Variants in LONP2 observed in about 807,000 individuals in gnomAD.
LONP2 encodes lon protease homolog 2, peroxisomal.
A neutral mutation model predicts 85.6 loss-of-function variants in LONP2; 60 were observed. The observed-to-expected ratio is 0.70, with a 90% confidence interval of 0.57 to 0.87. The LOEUF is 0.87. LONP2 is among the 40% of genes least tolerant of loss of function. LONP2 has a pLI of 0.00. For missense variants in LONP2, 860 were observed against 1,063.5 expected, an observed-to-expected ratio of 0.81 and a Z score of 2.66; for synonymous variants, 395 against 389.7, an observed-to-expected ratio of 1.01 and a Z score of -0.16.
intron 1 of LONP2, among the ~76,000 whole-genome samples, chr16:48,250,046 G>T (rs1971592764): frequency 6.6e-6 from 1 of 151,974 alleles, no homozygotes. Context: ...ACAAAAATTA[G>T]CTGGGCGTGG....
chr16:48,330,539 C>T (rs1047163658), intron 11 of LONP2, among the ~76,000 whole-genome samples: 8 of 152,150 alleles, frequency 5.3e-5, no homozygotes, highest in Non-Finnish European at 7.3e-5. Context: ...CACATATAAC[C>T]GGGGGTTCGT....
rs1299379694 is a variant in LONP2, at chr16:48,334,537, A to G, written c.1938+179A>G. 8.0e-6 allele frequency: 6 copies of G among 753,354 alleles called. No homozygotes were observed. In the Admixed American group the frequency reaches 1.0e-4, roughly 13 times the overall value. 46.7% of individuals were successfully genotyped at this position (753,354 alleles called of 1,614,324 possible). On this transcript the variant is annotated intron_variant, in intron 12 of 14. Transcript: ENST00000285737. ...CGCACTTCTTGCAGCAGTTGACTGC[A>G]TGGGGGCGCAGGCGAGCACAGCTCT...
intron 8 of LONP2, among the ~76,000 whole-genome samples, chr16:48,278,095 G>A (rs1380022365): frequency 2.0e-5 from 3 of 151,814 alleles, no homozygotes; most frequent in African/African-American, 7.3e-5. Flanking sequence ...TTATGATTAT[G>A]TAAATGCTTT....
chr16:48,359,238 A>T (rs1293496542), downstream of LONP2, among the ~76,000 whole-genome samples: 1 of 152,312 alleles, frequency 6.6e-6, no homozygotes, highest in Non-Finnish European at 1.5e-5. Context: ...TGCTGGGATT[A>T]CAGGTATGAG....
chr16:48,260,613 T>G (rs1354002811), intron 4 of LONP2, among the ~76,000 whole-genome samples: 1 of 152,212 alleles, frequency 6.6e-6, no homozygotes, highest in East Asian at 1.9e-4. Flanking sequence ...AATAAAATGT[T>G]CTGGGGGCTT....
chr16:48,305,295 T>C (rs1295322003), intron 11 of LONP2, among the ~76,000 whole-genome samples: 1 of 152,150 alleles, frequency 6.6e-6, no homozygotes, highest in African/African-American at 2.4e-5. Flanking sequence ...CGCTCTGTCG[T>C]CCAGGCTGGA....
At chr16:48,318,198 G>A (rs932546578) in intron 11 of LONP2, among the ~76,000 whole-genome samples, 1 of 152,066 alleles carries the variant, frequency 6.6e-6, no homozygotes, top group Non-Finnish European at 1.5e-5. Flanking sequence ...CATGCTTAGG[G>A]CTTGCTTTCC....
At chr16:48,246,556 G>C (rs1971397575) in intron 1 of LONP2, among the ~76,000 whole-genome samples, 1 of 152,118 alleles carries the variant, frequency 6.6e-6, no homozygotes, top group Non-Finnish European at 1.5e-5. Context: ...GATTTTGGAA[G>C]GTTTTTATTA....
chr16:48,308,628 CAAAAAAAAAA>C (rs545067276), intron 11 of LONP2, among the ~76,000 whole-genome samples: 1 of 68,874 alleles, frequency 1.5e-5, no homozygotes, highest in Non-Finnish European at 3.2e-5. Context: ...GACTCTGTCT[CAAAAAAAAAA>C]AAAAAAAAGT....
chr16:48,279,464 A>G (rs901110131), intron 8 of LONP2, among the ~76,000 whole-genome samples: 1 of 152,222 alleles, frequency 6.6e-6, no homozygotes. Flanking sequence ...GGCTGCCATC[A>G]TTCTGGGAAC....
chr16:48,311,165 T>C (rs145130659), intron 11 of LONP2, among the ~76,000 whole-genome samples: 1 of 152,306 alleles, frequency 6.6e-6, no homozygotes, highest in Non-Finnish European at 1.5e-5. Context: ...GGCTGGAGTT[T>C]GTTGAGCGTC....
intron 7 of LONP2, among the ~76,000 whole-genome samples, chr16:48,276,556 A>G (rs951403784): frequency 2.0e-5 from 3 of 152,148 alleles, no homozygotes; most frequent in African/African-American, 7.2e-5. Context: ...TGATAAACTT[A>G]TGTGTTTTTA....
At chr16:48,256,887 A>T in intron 3 of LONP2, 146 bp downstream of exon 3, 1 of 706,716 alleles carries the variant, frequency 1.4e-6, no homozygotes, top group Non-Finnish European at 2.2e-6. Flanking sequence ...TGACTTTCAA[A>T]TGTGATTGTT....
At chr16:48,303,347 G>A (rs367996599) in intron 11 of LONP2, 42 bp downstream of exon 11, 35 of 1,599,712 alleles carry the variant, frequency 2.2e-5, no homozygotes, top group Middle Eastern at 3.3e-4. Context: ...TGGTGGCTAG[G>A]AGTGAGTGAC....
At chr16:48,334,146 A>G (rs751012287) in intron 11 of LONP2, 70 bp from the exon 12 acceptor site, 21 of 1,472,276 alleles carry the variant, frequency 1.4e-5, no homozygotes, top group Non-Finnish European at 1.8e-5. Flanking sequence ...TTTGTTTGAT[A>G]TTTACTGCTA....
chr16:48,304,953 G>T (rs1972881691), intron 11 of LONP2, among the ~76,000 whole-genome samples: 1 of 152,210 alleles, frequency 6.6e-6, no homozygotes, highest in African/African-American at 2.4e-5. Context: ...GGTGGACCCA[G>T]TTGAACAGAC....
intron 8 of LONP2, among the ~76,000 whole-genome samples, chr16:48,289,248 G>T (rs2150990386): frequency 6.6e-6 from 1 of 152,274 alleles, no homozygotes; most frequent in South Asian, 2.1e-4. Context: ...GCCTCAGGAG[G>T]TCCTGACGAC....
chr16:48,344,728 G>A (rs1209974441), intron 12 of LONP2: 2 of 152,204 alleles, frequency 1.3e-5, no homozygotes, highest in Non-Finnish European at 2.9e-5. Context: ...TTCAAGACCA[G>A]CCTGGGCGAC....
intron 11 of LONP2, among the ~76,000 whole-genome samples, chr16:48,303,941 G>GA: frequency 6.6e-6 from 1 of 152,268 alleles, no homozygotes; most frequent in East Asian, 1.9e-4. Context: ...TGATTAGATG[G>GA]TGCCCACTCA....
Sources: gnomAD v4.1 joint callset for allele counts (sites outside exome capture counted in the v4.1 genomes callset) on GRCh38, gnomAD v4.1.1 for gene constraint, MANE v1.5 for transcripts, NCBI Gene and HGNC (gene_info 2026-07-23, HGNC 2026-07-21) for gene names.